The following FBXW7 variants were observed in gnomAD, a reference collection of about 807,000 sequenced individuals.
FBXW7 encodes the protein F-box and WD repeat domain containing 7.
A neutral mutation model predicts 86.3 loss-of-function variants in FBXW7; 11 were observed. The ratio of observed to expected loss-of-function variants is 0.13; its 90% CI spans 0.08 to 0.21. The LOEUF (loss-of-function observed/expected upper bound fraction) is 0.21. Ranked by LOEUF, FBXW7 falls within the 10% of genes least tolerant of loss-of-function variation. FBXW7 has a pLI of 1.00. For synonymous variants in FBXW7, 313 were observed against 297.9 expected, an observed-to-expected ratio of 1.05 and a Z score of -0.52; for missense variants, 488 against 847.4, an observed-to-expected ratio of 0.58 and a Z score of 5.27.
chr4:152,328,180 T>A (rs1729230911), intron 11 of FBXW7, 28 bp downstream of exon 11: 1 of 1,551,686 alleles, frequency 6.4e-7, no homozygotes. Flanking sequence ...GAGGAAGAAG[T>A]CCCAACCATG....
chr4:152,332,985 T>A (rs1239293029), intron 7 of FBXW7, among the ~76,000 whole-genome samples: 1 of 152,084 alleles, frequency 6.6e-6, no homozygotes, highest in Non-Finnish European at 1.5e-5. Flanking sequence ...GTCTCTGCTC[T>A]TGCCTTTACT....
At position 152,488,375 on chromosome 4, in the gene FBXW7, A is replaced by C. The variant is rs553814305; in HGVS notation, c.-120+46566T>G. ...AGAGAAGGTCAACGGCTTTCACTTCACTTGTCTAACATAATCATGAATTGA... is the reference window on the plus strand; with the variant it reads ...AGAGAAGGTCAACGGCTTTCACTTCCCTTGTCTAACATAATCATGAATTGA... On this transcript the variant is annotated intron_variant, in intron 2 of 13. Transcript: ENST00000281708. Among the ~76,000 whole-genome samples the C allele has an allele frequency of 7.8e-4, 119 of 152,196 alleles. 3 individuals carry two copies. The highest frequency in any genetic ancestry group is 1.5e-3 in the Admixed American group (23 of 15,282).
chr4:152,390,670 G>A (rs1560839410), intron 4 of FBXW7, among the ~76,000 whole-genome samples: 3 of 151,874 alleles, frequency 2.0e-5, no homozygotes. Context: ...TCCATAAACA[G>A]TTTAAACATA....
intron 4 of FBXW7, among the ~76,000 whole-genome samples, chr4:152,398,047 G>T (rs1736575909): frequency 6.6e-6 from 1 of 151,622 alleles, no homozygotes; most frequent in South Asian, 2.1e-4. Flanking sequence ...TTACTAAGTA[G>T]CAAAATGCTA....
chr4:152,369,552 A>G (rs1733821932), intron 4 of FBXW7, among the ~76,000 whole-genome samples: 1 of 152,086 alleles, frequency 6.6e-6, no homozygotes. Context: ...AAAAGTTACT[A>G]TATTTTGTAA....
intron 4 of FBXW7, among the ~76,000 whole-genome samples, chr4:152,401,176 A>G (rs1173303344): frequency 6.6e-6 from 1 of 152,218 alleles, no homozygotes; most frequent in Non-Finnish European, 1.5e-5. Context: ...CAATCCTGGA[A>G]TCACACTCCT....
intron 2 of FBXW7, among the ~76,000 whole-genome samples, chr4:152,511,990 C>T (rs777111060): frequency 5.9e-5 from 9 of 151,834 alleles, no homozygotes; most frequent in Non-Finnish European, 1.0e-4. Flanking sequence ...CAAAGTTAAC[C>T]AGAAAATCAA....
chr4:152,346,737 T>C (rs1171020241), intron 6 of FBXW7, 193 bp downstream of exon 6: 3 of 657,570 alleles, frequency 4.6e-6, no homozygotes, highest in Non-Finnish European at 7.3e-6. Flanking sequence ...GATTTGCCTA[T>C]TCTGGACATT....
intron 6 of FBXW7, among the ~76,000 whole-genome samples, chr4:152,339,191 G>A (rs994187245): frequency 1.3e-5 from 2 of 152,074 alleles, no homozygotes; most frequent in African/African-American, 4.8e-5. Context: ...AGATATACAG[G>A]TTCCAACCAG....
chr4:152,488,022 G>A (rs1393557429), intron 2 of FBXW7, among the ~76,000 whole-genome samples: 1 of 152,074 alleles, frequency 6.6e-6, no homozygotes, highest in African/African-American at 2.4e-5. Flanking sequence ...TTAAAAGTAT[G>A]CCATCCAAGT....
intron 2 of FBXW7, among the ~76,000 whole-genome samples, chr4:152,510,190 A>G (rs1228827210): frequency 1.3e-5 from 2 of 152,252 alleles, no homozygotes; most frequent in African/African-American, 4.8e-5. Context: ...TTTTGGTAGA[A>G]GAGTTAGAAT....
intron 4 of FBXW7, among the ~76,000 whole-genome samples, chr4:152,361,713 C>A (rs1321287369): frequency 6.6e-6 from 1 of 152,156 alleles, no homozygotes; most frequent in Non-Finnish European, 1.5e-5. Flanking sequence ...TGGTGGCTCA[C>A]ACCTGTAATC....
At chr4:152,441,072 A>G (rs1740854407) in intron 2 of FBXW7, among the ~76,000 whole-genome samples, 1 of 152,166 alleles carries the variant, frequency 6.6e-6, no homozygotes, top group Admixed American at 6.5e-5. Context: ...AACAGAAAAT[A>G]CGTATCAAAA....
chr4:152,323,470 C>A (rs1728726635), intron 13 of FBXW7: 2 of 343,198 alleles, frequency 5.8e-6, no homozygotes, highest in South Asian at 3.4e-5. Flanking sequence ...AACTTCATAC[C>A]TTCTGCTGAT....
chr4:152,500,906 T>C (rs1271105172), intron 2 of FBXW7, among the ~76,000 whole-genome samples: 1 of 152,240 alleles, frequency 6.6e-6, no homozygotes, highest in Non-Finnish European at 1.5e-5. Flanking sequence ...CTATTTGGTT[T>C]TGTTACCATG....
chr4:152,467,838 T>C (rs1374219625), intron 2 of FBXW7, among the ~76,000 whole-genome samples: 3 of 152,198 alleles, frequency 2.0e-5, no homozygotes, highest in Non-Finnish European at 4.4e-5. Flanking sequence ...ATTAAAACTT[T>C]TCTGCTTCAA....
At chr4:152,371,878 C>G (rs1734034576) in intron 4 of FBXW7, among the ~76,000 whole-genome samples, 1 of 151,924 alleles carries the variant, frequency 6.6e-6, no homozygotes, top group Non-Finnish European at 1.5e-5. Flanking sequence ...TGAGACAAGT[C>G]TCTCAGAGAC....
At chr4:152,352,395 G>T (rs1265603791) in intron 4 of FBXW7, 2 of 1,582,278 alleles carry the variant, frequency 1.3e-6, no homozygotes, top group South Asian at 1.1e-5. Flanking sequence ...AGCCATCTCT[G>T]ATGATACAGA....
At chr4:152,385,450 A>G (rs929839120) in intron 4 of FBXW7, among the ~76,000 whole-genome samples, 1 of 152,014 alleles carries the variant, frequency 6.6e-6, no homozygotes, top group African/African-American at 2.4e-5. Context: ...CATTTTAAAG[A>G]TAAGAAAATC....
Sources: gnomAD v4.1 joint callset for allele counts (sites outside exome capture counted in the v4.1 genomes callset) on GRCh38, gnomAD v4.1.1 for gene constraint, MANE v1.5 for transcripts, NCBI Gene and HGNC (gene_info 2026-07-23, HGNC 2026-07-21) for gene names.